RASGRF2: variants seen among roughly 807,000 people sequenced by gnomAD.
The protein encoded by RASGRF2 is ras-specific guanine nucleotide-releasing factor 2.
Under a neutral mutation model 151.0 loss-of-function variants are expected in RASGRF2, and 76 were observed. That is an observed-to-expected ratio of 0.50 (90% CI 0.42 to 0.61). The LOEUF (loss-of-function observed/expected upper bound fraction) is 0.61. Among genes scored for constraint, RASGRF2 ranks in the 20% least tolerant of loss-of-function variants. The pLI, the probability that RASGRF2 is intolerant of heterozygous loss-of-function variation, is 0.00. For synonymous variants in RASGRF2, 504 were observed against 566.5 expected, an observed-to-expected ratio of 0.89 and a Z score of 1.57; for missense variants, 1,148 against 1,564.6, an observed-to-expected ratio of 0.73 and a Z score of 4.49.
At chr5:81,154,901 A>G (rs956797513) in intron 17 of RASGRF2, among the ~76,000 whole-genome samples, 42 of 152,170 alleles carry the variant, frequency 2.8e-4, no homozygotes, top group Admixed American at 2.7e-3. Context: ...CTTTTCATCA[A>G]TAGTGCACAG....
In RASGRF2 at chr5:81,172,473, GTT is replaced by G. The variant is rs974414005; in HGVS notation, c.2687-7700_2687-7699del. Among the ~76,000 whole-genome samples, 16 of 128,190 alleles carry G rather than the reference GTT, an allele frequency of 1.2e-4. No individual in the cohort carries two copies. The East Asian group carries it at 5.7e-3, about 45-fold the overall frequency. The allele number at this position is 128,190 out of a possible 152,430, so 84.1% of individuals were successfully genotyped here. ...TGTGTGTGTGTGTGTGTGTGTGTGT[GTT>G]TATTGTTACAGTTAACTGCACTTAG... On this transcript the variant is annotated intron_variant, in intron 17 of 26. Transcript: ENST00000265080.
intron 1 of RASGRF2, among the ~76,000 whole-genome samples, chr5:81,027,484 GCAACCACTTACCTGTGTTTTGTCT>G (rs1291132524): frequency 6.6e-6 from 1 of 152,188 alleles, no homozygotes; most frequent in South Asian, 2.1e-4. Context: ...CTCGCTCCTG[GCAACCACTTACCTGTGTTTTGTCT>G]CTTGCATGAG....
chr5:81,175,112 A>G (rs1041072872), intron 17 of RASGRF2, among the ~76,000 whole-genome samples: 3 of 152,198 alleles, frequency 2.0e-5, no homozygotes, highest in African/African-American at 7.2e-5. Flanking sequence ...GACCTTTGCC[A>G]AGTTTCTTAG....
chr5:81,116,069 T>C (rs1347556571), intron 15 of RASGRF2, among the ~76,000 whole-genome samples: 1 of 49,610 alleles, frequency 2.0e-5, no homozygotes, highest in Admixed American at 1.8e-4. Context: ...GCCATTTCTT[T>C]TTTTTTTTTT....
chr5:81,124,800 T>C (rs1469890330), intron 16 of RASGRF2, among the ~76,000 whole-genome samples: 1 of 152,230 alleles, frequency 6.6e-6, no homozygotes, highest in Non-Finnish European at 1.5e-5. Context: ...ATGTTTGCTT[T>C]TCTCTTCTTA....
At chr5:81,059,760 C>G (rs563554448) in intron 2 of RASGRF2, among the ~76,000 whole-genome samples, 1 of 152,062 alleles carries the variant, frequency 6.6e-6, no homozygotes, top group South Asian at 2.1e-4. Context: ...CAGAGAATTG[C>G]TTGAACCCAG....
At position 81,212,543 on chromosome 5, in the gene RASGRF2, T is replaced by C; in HGVS notation, c.3334T>C (p.Trp1112Arg). 2 of 1,611,586 alleles carry C rather than the reference T, an allele frequency of 1.2e-6. No homozygotes were observed. Among genetic ancestry groups the C allele is most frequent in the Non-Finnish European group, 1.7e-6 (2 of 1,178,836 alleles). ...TGCCATCTACAGGCTGAAGAAAACC[T>C]GGGCCAAGGTCTCTAAGCAGGTGAG... ...RSAIYRLKKTWAKVSKQTKAL... is the reference protein window; with the variant it reads ...RSAIYRLKKTRAKVSKQTKAL... Residue 1112 changes from tryptophan to arginine, a missense_variant, in exon 23 of 27, where the codon TGG (tryptophan) becomes CGG (arginine). Physicochemically the swap from Trp to Arg is moderately radical, Grantham distance 101. Transcript: ENST00000265080.
At chr5:81,033,700 AG>A (rs1750355247) in intron 1 of RASGRF2, among the ~76,000 whole-genome samples, 1 of 152,216 alleles carries the variant, frequency 6.6e-6, no homozygotes, top group Non-Finnish European at 1.5e-5. Context: ...AAACCCTAGA[AG>A]AAAACCTAGG....
chr5:81,195,930 C>T (rs1755255216), intron 18 of RASGRF2, among the ~76,000 whole-genome samples: 1 of 152,158 alleles, frequency 6.6e-6, no homozygotes, highest in Non-Finnish European at 1.5e-5. Context: ...TGGTTCCTGA[C>T]TTGTCTGATG....
chr5:81,012,970 G>A (rs190315121), intron 1 of RASGRF2, among the ~76,000 whole-genome samples: 85 of 152,288 alleles, frequency 5.6e-4, no homozygotes, highest in African/African-American at 1.8e-3. Context: ...GGGATTGGAA[G>A]GAAAGGGACT....
chr5:81,013,384 C>G (rs1749531804), intron 1 of RASGRF2, among the ~76,000 whole-genome samples: 1 of 152,166 alleles, frequency 6.6e-6, no homozygotes. Context: ...TCGGACATAT[C>G]TCAGTTCTGT....
intron 15 of RASGRF2, among the ~76,000 whole-genome samples, chr5:81,123,350 G>T (rs904263101): frequency 3.3e-5 from 5 of 152,110 alleles, no homozygotes; most frequent in Non-Finnish European, 7.4e-5. Context: ...CATTTGGAAG[G>T]GCAGGGGATC....
At chr5:81,165,325 CA>C (rs1754480986) in intron 17 of RASGRF2, among the ~76,000 whole-genome samples, 1 of 152,094 alleles carries the variant, frequency 6.6e-6, no homozygotes, top group Admixed American at 6.5e-5. Context: ...TATTTATCCA[CA>C]AATGATAAAG....
intron 9 of RASGRF2, among the ~76,000 whole-genome samples, chr5:81,091,994 C>T (rs1434159706): frequency 6.6e-6 from 1 of 152,004 alleles, no homozygotes; most frequent in Non-Finnish European, 1.5e-5. Context: ...TTTGTTAGTA[C>T]TTTTTGGTTT....
intron 1 of RASGRF2, among the ~76,000 whole-genome samples, chr5:80,977,605 C>T (rs1408894208): frequency 6.6e-6 from 1 of 152,032 alleles, no homozygotes; most frequent in African/African-American, 2.4e-5. Flanking sequence ...TACAGGAACC[C>T]ACCACCACAC....
chr5:81,073,533 G>T, intron 5 of RASGRF2, 81 bp downstream of exon 5: 1 of 1,425,554 alleles, frequency 7.0e-7, no homozygotes, highest in South Asian at 1.4e-5. Context: ...ATCTTTAAAA[G>T]GGTCTCATAA....
chr5:81,065,816 A>G (rs533879250), intron 2 of RASGRF2, among the ~76,000 whole-genome samples: 5 of 152,240 alleles, frequency 3.3e-5, no homozygotes, highest in Non-Finnish European at 7.4e-5. Context: ...AAATTCCATT[A>G]TATAGGTGCT....
At chr5:81,118,963 G>A (rs561876153) in intron 15 of RASGRF2, among the ~76,000 whole-genome samples, 2 of 152,202 alleles carry the variant, frequency 1.3e-5, no homozygotes, top group East Asian at 1.9e-4. Context: ...CACCAGAATT[G>A]CCTTTACTAT....
At chr5:81,073,474 A>C (rs1356136524) in intron 5 of RASGRF2, 22 bp downstream of exon 5, 1 of 1,591,564 alleles carries the variant, frequency 6.3e-7, no homozygotes. Flanking sequence ...CATAAATCAA[A>C]GAGTTATGAG....
Sources: allele counts gnomAD v4.1 joint callset (sites outside exome capture counted in the v4.1 genomes callset), GRCh38; gene constraint gnomAD v4.1.1; transcripts MANE v1.5; gene names NCBI Gene and HGNC (gene_info 2026-07-23, HGNC 2026-07-21).